Variants in NEDD9 observed in about 807,000 individuals in gnomAD.
NEDD9 encodes the protein neural precursor cell expressed, developmentally down-regulated 9, also known as enhancer of filamentation 1.
A neutral mutation model predicts 76.6 loss-of-function variants in NEDD9; 26 were observed. The observed-to-expected ratio is 0.34, with a 90% confidence interval of 0.25 to 0.47. The LOEUF is 0.47. NEDD9 is among the 20% of genes least tolerant of loss of function. NEDD9 has a pLI of 1.00. For missense variants in NEDD9, 937 were observed against 1,058.5 expected, an observed-to-expected ratio of 0.89 and a Z score of 1.59; for synonymous variants, 392 against 414.2, an observed-to-expected ratio of 0.95 and a Z score of 0.65.
intron 1 of NEDD9, among the ~76,000 whole-genome samples, chr6:11,372,899 A>G (rs2113572031): frequency 6.6e-6 from 1 of 152,298 alleles, no homozygotes; most frequent in East Asian, 1.9e-4. Flanking sequence ...TGGCATAGAT[A>G]CTCCAATTCA....
intron 3 of NEDD9, among the ~76,000 whole-genome samples, chr6:11,261,696 A>T (rs1296389976): frequency 1.3e-5 from 2 of 152,336 alleles, no homozygotes; most frequent in East Asian, 3.9e-4. Flanking sequence ...GAGAGATTAT[A>T]TGGATGCGGA....
chr6:11,373,592 C>A (rs1032083068), intron 1 of NEDD9, among the ~76,000 whole-genome samples: 3 of 152,158 alleles, frequency 2.0e-5, no homozygotes, highest in Admixed American at 1.3e-4. Context: ...CTGCTGAATC[C>A]CCAGCACCTA....
chr6:11,188,312 T>TC lies in NEDD9; in HGVS notation c.1906-6_1906-5insG, dbSNP rs758194920. Reference sequence around the variant, plus strand: ...CCTCTCAAACTCCTCCTTACCCTGTTAATTTTCAACATAAAGAACATATTA... The same window carrying TC: ...CCTCTCAAACTCCTCCTTACCCTGTTCAATTTTCAACATAAAGAACATATTA... On this transcript the variant is annotated splice_polypyrimidine_tract_variant and splice_region_variant and intron_variant, in intron 5 of 6. Coordinates refer to ENST00000379446, the MANE Select transcript of NEDD9 (RefSeq NM_006403.4). The TC allele has an allele frequency of 1.2e-6, 2 of 1,608,768 alleles. No homozygotes were observed. The highest frequency in any genetic ancestry group is 1.7e-6 in the Non-Finnish European group (2 of 1,175,226).
At chr6:11,210,028 G>A (rs905245081) in intron 2 of NEDD9, among the ~76,000 whole-genome samples, 3 of 147,152 alleles carry the variant, frequency 2.0e-5, no homozygotes, top group South Asian at 2.2e-4. Context: ...GTAAAACTTC[G>A]GAAGCCCACA....
chr6:11,372,378 C>T (rs1335977526), intron 1 of NEDD9, among the ~76,000 whole-genome samples: 1 of 152,178 alleles, frequency 6.6e-6, no homozygotes, highest in Admixed American at 6.5e-5. Flanking sequence ...ATATGTACCA[C>T]ATTTCCTTTA....
intron 3 of NEDD9, among the ~76,000 whole-genome samples, chr6:11,254,771 T>C (rs1433201350): frequency 6.6e-6 from 1 of 152,174 alleles, no homozygotes; most frequent in Non-Finnish European, 1.5e-5. Context: ...TCTCTCCCCA[T>C]GGAGAGAGAC....
intron 1 of NEDD9, among the ~76,000 whole-genome samples, chr6:11,341,327 C>T (rs1466148993): frequency 6.6e-6 from 1 of 152,164 alleles, no homozygotes; most frequent in East Asian, 1.9e-4. Flanking sequence ...GAGCAGAGCA[C>T]AGGACTCTTG....
chr6:11,267,165 G>T (rs1426205033), intron 3 of NEDD9, among the ~76,000 whole-genome samples: 1 of 152,080 alleles, frequency 6.6e-6, no homozygotes, highest in Admixed American at 6.6e-5. Flanking sequence ...TCTGAAATAG[G>T]TATCCCTTGA....
rs1372765701 is a variant in NEDD9, at chr6:11,305,938, C to A, written c.12+54G>T. 6 of 1,600,772 alleles carry A rather than the reference C, an allele frequency of 3.7e-6. No homozygotes were observed. In the Admixed American group the frequency reaches 6.7e-5, roughly 18 times the overall value. On this transcript the variant is annotated intron_variant, in intron 3 of 3. Coordinates refer to the NEDD9 transcript ENST00000397378. ...ATTATTGCAGAGAATTTAGGCTGAG[C>A]AAACTGGAAAAAGGGGAATCACAAA...
chr6:11,307,027 C>T (rs910557660), intron 2 of NEDD9, among the ~76,000 whole-genome samples: 4 of 152,118 alleles, frequency 2.6e-5, no homozygotes, highest in African/African-American at 9.7e-5. Flanking sequence ...CCACACGGGG[C>T]ACGTGAATAT....
intron 1 of NEDD9, among the ~76,000 whole-genome samples, chr6:11,354,234 T>C (rs770668244): frequency 6.6e-6 from 1 of 152,178 alleles, no homozygotes. Flanking sequence ...CAGGACGCAT[T>C]GAAGAAAGTA....
chr6:11,251,605 C>G (rs1259322804), intron 3 of NEDD9: 1 of 152,224 alleles, frequency 6.6e-6, no homozygotes, highest in Non-Finnish European at 1.5e-5. Flanking sequence ...AGGTCAGACC[C>G]GATTCCAGCT....
rs753253031 is a variant in NEDD9, at chr6:11,366,270, A to AGAAGGAAGGAAGGAAGGAAG, written c.-214+15849_-214+15868dup. Among the ~76,000 whole-genome samples, 335 of 132,456 alleles carry AGAAGGAAGGAAGGAAGGAAG rather than the reference A, an allele frequency of 2.5e-3. 6 individuals are homozygous for AGAAGGAAGGAAGGAAGGAAG. Among genetic ancestry groups the AGAAGGAAGGAAGGAAGGAAG allele is most frequent in the African/African-American group, 8.9e-3 (268 of 30,244 alleles). The allele number at this position is 132,456 out of a possible 152,430, so 86.9% of individuals were successfully genotyped here. A position where few individuals can be genotyped will look rare whatever the true frequency, so the allele number is the denominator to read the frequency against. The stretch of plus-strand genomic sequence containing the variant: ...GGGTGACAGAGTGAGAGTCTGAGAA[A>AGAAGGAAGGAAGGAAGGAAG]GAAGGAAGGAAGGAAGGAAGGAAGG... On this transcript the variant is annotated intron_variant, in intron 1 of 3. Coordinates refer to the NEDD9 transcript ENST00000397378.
At chr6:11,238,912 C>T (rs1436859457) in intron 3 of NEDD9, among the ~76,000 whole-genome samples, 1 of 152,188 alleles carries the variant, frequency 6.6e-6, no homozygotes, top group Non-Finnish European at 1.5e-5. Context: ...GTAATCCTAG[C>T]ACTTTGGTTG....
intron 3 of NEDD9, chr6:11,248,841 C>T (rs930926180): frequency 3.3e-6 from 1 of 303,992 alleles, no homozygotes; most frequent in African/African-American, 2.2e-5. Context: ...ACACGGCTCT[C>T]CCTACAGTAC....
intron 1 of NEDD9, among the ~76,000 whole-genome samples, chr6:11,377,206 C>T (rs6907518): frequency 0.017 from 2,569 of 152,326 alleles, 68 homozygotes; most frequent in African/African-American, 0.059. Context: ...AGCTCCTACA[C>T]AGAGTCCCCA....
chr6:11,197,741 T>C (rs556936302), intron 2 of NEDD9, among the ~76,000 whole-genome samples: 63 of 152,262 alleles, frequency 4.1e-4, no homozygotes. Context: ...CCCCACACTT[T>C]GATGGTGTTT....
chr6:11,245,587 C>T (rs1240283506), intron 3 of NEDD9, among the ~76,000 whole-genome samples: 1 of 152,140 alleles, frequency 6.6e-6, no homozygotes, highest in Non-Finnish European at 1.5e-5. Context: ...TCTTAAATAC[C>T]TATTACAGTA....
intron 1 of NEDD9, among the ~76,000 whole-genome samples, chr6:11,376,441 T>G (rs1203443189): frequency 1.3e-5 from 2 of 152,164 alleles, no homozygotes; most frequent in African/African-American, 4.8e-5. Context: ...AGAAAGTTTT[T>G]GGGAAATGGA....
Sources: gnomAD v4.1 joint callset for allele counts (sites outside exome capture counted in the v4.1 genomes callset) on GRCh38, gnomAD v4.1.1 for gene constraint, MANE v1.5 for transcripts, NCBI Gene and HGNC (gene_info 2026-07-23, HGNC 2026-07-21) for gene names.